Variants in MED27 observed in about 807,000 individuals in gnomAD.
MED27 encodes the protein mediator of RNA polymerase II transcription subunit 27.
A neutral mutation model predicts 38.2 loss-of-function variants in MED27; 30 were observed. That is an observed-to-expected ratio of 0.79 (90% CI 0.59 to 1.07). The LOEUF (loss-of-function observed/expected upper bound fraction) is 1.07, where lower values mean the gene tolerates loss of function less well. Among genes scored for constraint, MED27 ranks in the 50% least tolerant of loss-of-function variants. The pLI is 0.00. For synonymous variants in MED27, 122 were observed against 153.5 expected (o/e 0.79, Z 1.52); for missense variants, 289 against 397.5 (o/e 0.73, Z 2.32).
At chr9:132,011,368 C>G (rs1832484151) in intron 3 of MED27, among the ~76,000 whole-genome samples, 1 of 152,064 alleles carries the variant, frequency 6.6e-6, no homozygotes, top group Admixed American at 6.6e-5. Flanking sequence ...GTTACCTTTT[C>G]AAAATCTACA....
chr9:132,003,537 G>A lies in MED27; in HGVS notation c.479+10800C>T, dbSNP rs539539631. On this transcript the variant is annotated intron_variant, in intron 3 of 7. Coordinates refer to ENST00000292035, the MANE Select transcript of MED27 (RefSeq NM_004269.4). The surrounding 1 kb of genome is among the most constrained non-coding windows in gnomAD (Gnocchi z 4.2). ...AGGGTTGGCTAGAGCAAGGCTAGACGGGGAGGCAGGGATAGGTGGGATGGG... is the reference window on the plus strand; with the variant it reads ...AGGGTTGGCTAGAGCAAGGCTAGACAGGGAGGCAGGGATAGGTGGGATGGG... Among the ~76,000 whole-genome samples the A allele has an allele frequency of 1.2e-4, 18 of 152,280 alleles. No homozygotes were observed. The highest frequency in any genetic ancestry group is 8.3e-4 in the South Asian group (4 of 4,826).
chr9:132,041,709 G>A (rs1833216661), intron 2 of MED27, among the ~76,000 whole-genome samples: 2 of 152,212 alleles, frequency 1.3e-5, no homozygotes, highest in Admixed American at 1.3e-4. Context: ...AATAGTCAGT[G>A]TGCTGAAAAA....
At chr9:131,928,632 TG>T (rs1830524810) in intron 4 of MED27, among the ~76,000 whole-genome samples, 1 of 152,224 alleles carries the variant, frequency 6.6e-6, no homozygotes, top group Admixed American at 6.5e-5. Context: ...AAAGCCATGC[TG>T]GGCTCAGCTG....
At chr9:131,903,081 C>G (rs865968097) in intron 4 of MED27, among the ~76,000 whole-genome samples, 13 of 151,966 alleles carry the variant, frequency 8.6e-5, no homozygotes, top group South Asian at 4.2e-4. Flanking sequence ...GTGGTGGCCA[C>G]GGGTGTATTA....
chr9:132,013,255 C>G (rs1318807555), intron 3 of MED27, among the ~76,000 whole-genome samples: 2 of 152,110 alleles, frequency 1.3e-5, no homozygotes, highest in African/African-American at 4.8e-5. Flanking sequence ...GACTACACTG[C>G]AACAGAAAAA....
At chr9:131,886,763 G>C (rs964924292) in intron 5 of MED27, among the ~76,000 whole-genome samples, 2 of 152,236 alleles carry the variant, frequency 1.3e-5, no homozygotes, top group African/African-American at 4.8e-5. Flanking sequence ...TCATATTTGG[G>C]AGGATAAATC....
chr9:132,053,988 T>C (rs568093569), intron 2 of MED27, among the ~76,000 whole-genome samples: 2 of 151,584 alleles, frequency 1.3e-5, no homozygotes, highest in South Asian at 2.1e-4. Context: ...TTAAAACAAA[T>C]GTATTCAGAA....
At chr9:132,042,079 G>A (rs1237091728) in intron 2 of MED27, among the ~76,000 whole-genome samples, 6 of 152,210 alleles carry the variant, frequency 3.9e-5, no homozygotes, top group African/African-American at 1.2e-4. Context: ...GGCAGGTGGC[G>A]GGGTGGAAAG....
In MED27 at chr9:131,861,464, T is replaced by C. The variant is rs1055789210; in HGVS notation, c.802-792A>G. Among the ~76,000 whole-genome samples the C allele has an allele frequency of 6.6e-6, 1 of 152,196 alleles. No individual in the cohort carries two copies. Among genetic ancestry groups the C allele is most frequent in the Non-Finnish European group, 1.5e-5 (1 of 68,044 alleles). ...AAGAGAAAACTGTTATTTGAAGAGG[T>C]TGGCCGAGCTTATTGATACACATTC... On this transcript the variant is annotated intron_variant, in intron 7 of 7. Transcript: ENST00000292035. The surrounding 1 kb of genome is among the most constrained non-coding windows in gnomAD (Gnocchi z 4.4).
At chr9:131,892,589 CTATG>C (rs1419695576) in intron 5 of MED27, among the ~76,000 whole-genome samples, 1 of 152,158 alleles carries the variant, frequency 6.6e-6, no homozygotes, top group Non-Finnish European at 1.5e-5. Flanking sequence ...CAAGCAAGGG[CTATG>C]TTTTGTACCA....
intron 4 of MED27, among the ~76,000 whole-genome samples, chr9:131,900,732 T>C (rs1258610913): frequency 2.6e-5 from 4 of 151,982 alleles, no homozygotes; most frequent in Non-Finnish European, 4.4e-5. Context: ...AATGGTGGCA[T>C]GTCTAAGCCC....
At chr9:131,886,429 C>T (rs538848252) in intron 5 of MED27, among the ~76,000 whole-genome samples, 1 of 152,286 alleles carries the variant, frequency 6.6e-6, no homozygotes, top group African/African-American at 2.4e-5. Flanking sequence ...ACCCACTTCT[C>T]CCTACCCCCA....
intron 3 of MED27, among the ~76,000 whole-genome samples, chr9:131,999,418 C>T (rs9328534): frequency 0.56 from 85,687 of 151,864 alleles, 26,295 homozygotes; most frequent in Non-Finnish European, 0.68. Flanking sequence ...GTGTGGTTAC[C>T]GAAGGGTTAA....
At position 131,958,394 on chromosome 9, in the gene MED27, C is replaced by T. The variant is rs539073691; in HGVS notation, c.480-18920G>A. Among the ~76,000 whole-genome samples the T allele has an allele frequency of 3.6e-4, 55 of 151,978 alleles. No homozygotes were observed. In the East Asian group the frequency reaches 9.1e-3, roughly 25 times the overall value. On this transcript the variant is annotated intron_variant, in intron 3 of 7. Coordinates refer to ENST00000292035, the MANE Select transcript of MED27 (RefSeq NM_004269.4). ...TTGAGTAGCTGGGATTACAGGCGTG[C>T]GCCACCGTGCCTGGCTAATTTTTTT...
chr9:131,860,790 C>T lies in MED27; in HGVS notation c.802-118G>A. The T allele has an allele frequency of 1.7e-6, 2 of 1,170,404 alleles. No individual in the cohort carries two copies. Among genetic ancestry groups the T allele is most frequent in the South Asian group, 1.5e-5 (1 of 67,848 alleles). 72.5% of individuals were successfully genotyped at this position (1,170,404 alleles called of 1,614,324 possible). ...AAGTTGGCTTTGGCCCCAGAAGATG[C>T]CCTGTGATTTCACAGGGAGCAGCAG... On this transcript the variant is annotated intron_variant, in intron 7 of 7. Coordinates refer to ENST00000292035, the MANE Select transcript of MED27 (RefSeq NM_004269.4). This position sits in a 1 kb window ranked among gnomAD's most constrained non-coding sequence, Gnocchi z 5.8.
At chr9:132,077,419 TC>T in intron 2 of MED27, 22 bp downstream of exon 2, 1 of 1,606,468 alleles carries the variant, frequency 6.2e-7, no homozygotes, top group Non-Finnish European at 8.5e-7. Flanking sequence ...ATATATTAGC[TC>T]CGTTTATTAC....
chr9:131,987,335 T>C (rs1831876022), intron 3 of MED27, among the ~76,000 whole-genome samples: 1 of 152,126 alleles, frequency 6.6e-6, no homozygotes, highest in Non-Finnish European at 1.5e-5. Context: ...CTCCAGAGTA[T>C]CTGTAGATGT....
intron 3 of MED27, among the ~76,000 whole-genome samples, chr9:131,973,703 TATTACTGG>T (rs1373948300): frequency 6.6e-6 from 1 of 151,868 alleles, no homozygotes; most frequent in African/African-American, 2.4e-5. Context: ...TGAATTACTG[TATTACTGG>T]ATTCTTTTTT....
At chr9:132,014,508 T>C (rs1485347608) in intron 2 of MED27, 41 bp from the exon 3 acceptor site, 2 of 1,600,750 alleles carry the variant, frequency 1.2e-6, no homozygotes, top group African/African-American at 1.3e-5. Context: ...AAAAATAGCA[T>C]TTGGTAAAAG....
Sources: gnomAD v4.1 joint callset for allele counts (sites outside exome capture counted in the v4.1 genomes callset) on GRCh38, gnomAD v4.1.1 for gene constraint, Gnocchi (gnomAD v3.1) non-coding constraint, MANE v1.5 for transcripts, NCBI Gene and HGNC (gene_info 2026-07-23, HGNC 2026-07-21) for gene names.